FAM184A: variants seen among roughly 807,000 people sequenced by gnomAD.
FAM184A encodes the protein family with sequence similarity 184 member A.
A neutral mutation model predicts 143.8 loss-of-function variants in FAM184A; 99 were observed. The ratio of observed to expected loss-of-function variants is 0.69; its 90% CI spans 0.58 to 0.81. The LOEUF (loss-of-function observed/expected upper bound fraction) is 0.81, where lower values mean the gene tolerates loss of function less well. Among genes scored for constraint, FAM184A ranks in the 40% least tolerant of loss-of-function variants. FAM184A has a pLI of 0.00. For synonymous variants in FAM184A, 427 were observed against 446.4 expected, an observed-to-expected ratio of 0.96 and a Z score of 0.55; for missense variants, 1,217 against 1,310.5, an observed-to-expected ratio of 0.93 and a Z score of 1.10.
chr6:119,093,585 C>T (rs1216151526), intron 1 of FAM184A, among the ~76,000 whole-genome samples: 1 of 152,184 alleles, frequency 6.6e-6, no homozygotes, highest in African/African-American at 2.4e-5. Context: ...TATGCTAGAA[C>T]TTGACACATT....
At chr6:119,025,550 G>T (rs1785601567) in intron 1 of FAM184A, 1 of 518,552 alleles carries the variant, frequency 1.9e-6, no homozygotes, top group African/African-American at 1.9e-5. Flanking sequence ...TTTCATTTTA[G>T]TTCCTAGGTT....
intron 1 of FAM184A, among the ~76,000 whole-genome samples, chr6:119,033,572 G>A (rs373775589): frequency 2.0e-5 from 3 of 151,808 alleles, no homozygotes; most frequent in South Asian, 4.2e-4. Flanking sequence ...GGCTGAGGCC[G>A]GAGAATCGCT....
At chr6:118,976,462 A>C (rs1239534054) in intron 11 of FAM184A, among the ~76,000 whole-genome samples, 1 of 152,058 alleles carries the variant, frequency 6.6e-6, no homozygotes, top group Non-Finnish European at 1.5e-5. Flanking sequence ...CAGGAGTTCG[A>C]GACCAGCCTG....
chr6:119,139,647 T>TAAAA (rs34268474), intron 1 of FAM184A, among the ~76,000 whole-genome samples: 9 of 142,604 alleles, frequency 6.3e-5, no homozygotes, highest in African/African-American at 1.8e-4. Context: ...ATATTTAAAG[T>TAAAA]AAAAAAAAAA....
chr6:119,017,908 C>CCTCTCTCTCG (rs1255975826), intron 4 of FAM184A, among the ~76,000 whole-genome samples: 1 of 152,136 alleles, frequency 6.6e-6, no homozygotes, highest in Non-Finnish European at 1.5e-5. Flanking sequence ...GCACCTCCTT[C>CCTCTCTCTCG]CTCTCTCTCG....
chr6:119,125,016 T>G, intron 1 of FAM184A, among the ~76,000 whole-genome samples: 1 of 152,242 alleles, frequency 6.6e-6, no homozygotes, highest in East Asian at 1.9e-4. Flanking sequence ...TAAGCTAATT[T>G]TTACTAACGC....
At chr6:119,087,133 A>T (rs1285030521) in intron 1 of FAM184A, among the ~76,000 whole-genome samples, 1 of 152,166 alleles carries the variant, frequency 6.6e-6, no homozygotes, top group Non-Finnish European at 1.5e-5. Context: ...ACCTAGATTA[A>T]CCCCAGGCAG....
intron 1 of FAM184A, among the ~76,000 whole-genome samples, chr6:119,132,532 G>T (rs1237451214): frequency 6.6e-6 from 1 of 152,180 alleles, no homozygotes; most frequent in Non-Finnish European, 1.5e-5. Context: ...CCACATTTTT[G>T]AACAGAAAGG....
intron 9 of FAM184A, among the ~76,000 whole-genome samples, chr6:119,002,038 T>C: frequency 6.6e-6 from 1 of 152,188 alleles, no homozygotes; most frequent in East Asian, 1.9e-4. Context: ...ATTATAATTA[T>C]GAGATACTAG....
chr6:119,111,717 G>C (rs1018877845), intron 1 of FAM184A, among the ~76,000 whole-genome samples: 8 of 152,142 alleles, frequency 5.3e-5, no homozygotes, highest in African/African-American at 1.9e-4. Context: ...AATTATTTTG[G>C]CGGTGTCGAG....
intron 1 of FAM184A, among the ~76,000 whole-genome samples, chr6:119,140,632 C>T (rs1167815983): frequency 6.6e-6 from 1 of 152,194 alleles, no homozygotes; most frequent in Non-Finnish European, 1.5e-5. Context: ...CAATCTGGTT[C>T]CCTCGCCTTC....
intron 1 of FAM184A, among the ~76,000 whole-genome samples, chr6:119,143,557 C>T (rs953877485): frequency 3.3e-5 from 5 of 152,156 alleles, no homozygotes; most frequent in Admixed American, 6.5e-5. Flanking sequence ...TGGAAACAAT[C>T]GAAGTATCCC....
intron 11 of FAM184A, among the ~76,000 whole-genome samples, chr6:118,978,952 A>G (rs1783931675): frequency 6.6e-6 from 1 of 152,236 alleles, no homozygotes; most frequent in African/African-American, 2.4e-5. Context: ...ATATACCTCA[A>G]CAGAAGAGTC....
intron 1 of FAM184A, chr6:119,069,017 T>C: frequency 2.7e-6 from 1 of 374,738 alleles, no homozygotes. Flanking sequence ...TCCAGTTACA[T>C]TTTCTCAAGT....
intron 1 of FAM184A, among the ~76,000 whole-genome samples, chr6:119,035,901 C>CTA (rs1270033379): frequency 6.6e-6 from 1 of 152,178 alleles, no homozygotes; most frequent in African/African-American, 2.4e-5. Context: ...TAAAACCAAG[C>CTA]TATAGCCCGA....
At chr6:119,134,868 T>C (rs1344927195) in intron 1 of FAM184A, among the ~76,000 whole-genome samples, 1 of 151,974 alleles carries the variant, frequency 6.6e-6, no homozygotes, top group Non-Finnish European at 1.5e-5. Flanking sequence ...AATCCAAGGG[T>C]GTGGAGCAAT....
intron 1 of FAM184A, among the ~76,000 whole-genome samples, chr6:119,066,832 A>T (rs181160291): frequency 5.0e-4 from 76 of 152,310 alleles, no homozygotes; most frequent in Admixed American, 7.2e-4. Flanking sequence ...TGTATGTTGC[A>T]TAAGGTTAAT....
chr6:119,115,377 G>A (rs934380481), intron 1 of FAM184A, among the ~76,000 whole-genome samples: 6 of 152,044 alleles, frequency 3.9e-5, no homozygotes, highest in Non-Finnish European at 7.4e-5. Context: ...ACCCCCATCC[G>A]GAACTTGATT....
intron 1 of FAM184A, among the ~76,000 whole-genome samples, chr6:119,110,685 G>A (rs970301969): frequency 6.6e-6 from 1 of 152,188 alleles, no homozygotes; most frequent in African/African-American, 2.4e-5. Flanking sequence ...TTTCAGGCAA[G>A]ACTGTGAAAG....
Sources: allele counts gnomAD v4.1 joint callset (sites outside exome capture counted in the v4.1 genomes callset), GRCh38; gene constraint gnomAD v4.1.1; transcripts MANE v1.5; gene names NCBI Gene and HGNC (gene_info 2026-07-23, HGNC 2026-07-21).